Variants in CHD6 observed in about 807,000 individuals in gnomAD.
The protein encoded by CHD6 is chromodomain helicase DNA binding protein 6, also known as ATP-dependent chromatin remodeler CHD6.
A neutral mutation model predicts 276.9 loss-of-function variants in CHD6; 50 were observed. That is an observed-to-expected ratio of 0.18 (90% CI 0.14 to 0.23). The LOEUF (loss-of-function observed/expected upper bound fraction) is 0.23. Ranked by LOEUF, CHD6 falls within the 10% of genes least tolerant of loss-of-function variation. CHD6 has a pLI of 1.00. For missense variants in CHD6, 2,564 were observed against 3,365.8 expected (o/e 0.76, Z 5.89); for synonymous variants, 1,173 against 1,229.3 (o/e 0.95, Z 0.96).
At chr20:41,558,926 A>T (rs1195480341) in intron 1 of CHD6, among the ~76,000 whole-genome samples, 1 of 152,186 alleles carries the variant, frequency 6.6e-6, no homozygotes, top group Non-Finnish European at 1.5e-5. Context: ...CCCTGATATT[A>T]TATTACAGTA....
intron 13 of CHD6, 80 bp from the exon 14 acceptor site, chr20:41,487,888 G>C (rs913316694): frequency 6.2e-6 from 9 of 1,443,184 alleles, no homozygotes; most frequent in Non-Finnish European, 8.5e-6. Context: ...TTAAGCCAGG[G>C]CATTGAGTGC....
Position 41,493,915 on chromosome 20 carries a change from A to G in CHD6, c.1122T>C (p.Tyr374=), listed in dbSNP as rs776744851. 10 of 1,613,850 alleles carry G rather than the reference A, an allele frequency of 6.2e-6. No individual in the cohort carries two copies. The highest frequency in any genetic ancestry group is 1.7e-5 in the Admixed American group (1 of 60,000). The part of the protein sequence containing the change: ...EPDEDLFNPD[Y]VEVDRILEVA... ...CCTCCAAGATGCGATCAACTTCTAC[A>G]TAGTCTGGATTGAACAAGTCTTCAT... The change falls in exon 9 of 37, where the codon TAT becomes TAC. Residue 374 remains tyrosine (Y), a synonymous_variant. Transcript: ENST00000373233.
chr20:41,416,215 C>CGGA (rs2046991323), intron 33 of CHD6, among the ~76,000 whole-genome samples: 1 of 152,134 alleles, frequency 6.6e-6, no homozygotes, highest in African/African-American at 2.4e-5. Flanking sequence ...TTCATGCTTC[C>CGGA]CTTTCCTTAT....
intron 1 of CHD6, among the ~76,000 whole-genome samples, chr20:41,555,259 A>T (rs1601136652): frequency 1.6e-5 from 2 of 124,732 alleles, no homozygotes; most frequent in East Asian, 3.7e-4. Flanking sequence ...TCCCTCCTGG[A>T]CGGGGCGGCT....
chr20:41,544,375 C>T (rs2146120922), intron 2 of CHD6, among the ~76,000 whole-genome samples: 1 of 152,314 alleles, frequency 6.6e-6, no homozygotes, highest in East Asian at 1.9e-4. Flanking sequence ...GTCACCAGAG[C>T]TTCCCAGACT....
rs927934542 is a variant in CHD6 at position 41,467,365 on chromosome 20, C to T, written c.2664+5957G>A. ...ACTCAGATGAAGTCCAAGGGAAATG[C>T]ATCAGCAAAGGTATACATATAAAAA... On this transcript the variant is annotated intron_variant, in intron 17 of 36. Coordinates refer to ENST00000373233, the MANE Select transcript of CHD6 (RefSeq NM_032221.5). Among the ~76,000 whole-genome samples, 3 of 152,014 alleles carry T rather than the reference C, an allele frequency of 2.0e-5. No homozygotes were observed. The South Asian group carries it at 6.2e-4, about 31-fold the overall frequency.
intron 27 of CHD6, among the ~76,000 whole-genome samples, chr20:41,432,034 C>T (rs556973772): frequency 1.3e-5 from 2 of 151,918 alleles, no homozygotes; most frequent in South Asian, 2.1e-4. Flanking sequence ...GTGGCATATG[C>T]CTGTAGTCCC....
At chr20:41,445,584 C>A in intron 25 of CHD6, 81 bp downstream of exon 25, 1 of 814,626 alleles carries the variant, frequency 1.2e-6, no homozygotes, top group South Asian at 1.5e-5. Context: ...CAGGAACATG[C>A]CGAGCTTAGT....
chr20:41,595,594 A>C (rs2045708967), intron 1 of CHD6, among the ~76,000 whole-genome samples: 1 of 152,126 alleles, frequency 6.6e-6, no homozygotes, highest in African/African-American at 2.4e-5. Context: ...GAAACACCTA[A>C]AACTTCCAGG....
intron 27 of CHD6, among the ~76,000 whole-genome samples, chr20:41,433,064 C>T (rs2047594302): frequency 6.6e-6 from 1 of 150,532 alleles, no homozygotes; most frequent in South Asian, 2.1e-4. Flanking sequence ...ATGGAAAGTA[C>T]CCAATGTGAA....
At chr20:41,474,535 C>T (rs2043129240) in intron 16 of CHD6, among the ~76,000 whole-genome samples, 1 of 152,086 alleles carries the variant, frequency 6.6e-6, no homozygotes, top group South Asian at 2.1e-4. Flanking sequence ...GTTAGTGAAG[C>T]AGAAGTAATA....
intron 14 of CHD6, 84 bp downstream of exon 14, chr20:41,487,581 A>C: frequency 7.4e-7 from 1 of 1,353,372 alleles, no homozygotes; most frequent in Non-Finnish European, 1.0e-6. Flanking sequence ...CAACTTGCTA[A>C]ATCCTGGCCC....
chr20:41,458,682 T>A (rs1035649528), intron 17 of CHD6, among the ~76,000 whole-genome samples: 1 of 152,148 alleles, frequency 6.6e-6, no homozygotes, highest in Non-Finnish European at 1.5e-5. Context: ...TTTCAATAGT[T>A]CCCTTGCTTT....
chr20:41,560,619 GAC>G (rs2045291402), intron 1 of CHD6, among the ~76,000 whole-genome samples: 1 of 152,166 alleles, frequency 6.6e-6, no homozygotes, highest in Non-Finnish European at 1.5e-5. Context: ...CTCAGTGCCT[GAC>G]ATTTGGACTC....
chr20:41,617,571 C>T (rs1415415903), intron 1 of CHD6, among the ~76,000 whole-genome samples: 1 of 152,184 alleles, frequency 6.6e-6, no homozygotes, highest in Non-Finnish European at 1.5e-5. Context: ...CAACGGACTC[C>T]GTTACTTCTC....
intron 14 of CHD6, 58 bp downstream of exon 14, chr20:41,487,607 T>C: frequency 6.5e-7 from 1 of 1,529,648 alleles, no homozygotes; most frequent in Non-Finnish European, 8.8e-7. Flanking sequence ...CATCCTGCTC[T>C]TTTCTTGATG....
At chr20:41,420,002 C>G (rs886369004) in intron 31 of CHD6, among the ~76,000 whole-genome samples, 2 of 152,170 alleles carry the variant, frequency 1.3e-5, no homozygotes, top group Non-Finnish European at 2.9e-5. Context: ...GAATCTAAAT[C>G]AAATGCACTG....
chr20:41,601,351 C>A (rs955073293), intron 1 of CHD6, among the ~76,000 whole-genome samples: 1 of 152,206 alleles, frequency 6.6e-6, no homozygotes, highest in Non-Finnish European at 1.5e-5. Flanking sequence ...ACATGCCTTA[C>A]AATTTATATG....
intron 15 of CHD6, among the ~76,000 whole-genome samples, chr20:41,484,098 C>T (rs1421073184): frequency 6.6e-6 from 1 of 152,144 alleles, no homozygotes; most frequent in African/African-American, 2.4e-5. Context: ...CATCTTCTGC[C>T]CGGCAGAGTA....
Sources: gnomAD v4.1 joint callset for allele counts (sites outside exome capture counted in the v4.1 genomes callset) on GRCh38, gnomAD v4.1.1 for gene constraint, MANE v1.5 for transcripts, NCBI Gene and HGNC (gene_info 2026-07-23, HGNC 2026-07-21) for gene names.